Variants in SHANK2 observed in about 807,000 individuals in gnomAD.
The protein encoded by SHANK2 is SH3 and multiple ankyrin repeat domains protein 2.
In SHANK2, 43 loss-of-function variants were observed where a neutral mutation model predicts 133.7. The observed-to-expected ratio is 0.32, with a 90% CI of 0.25 to 0.41. SHANK2 has a LOEUF of 0.41. Among genes scored for constraint, SHANK2 ranks in the 10% least tolerant of loss-of-function variants. SHANK2 has a pLI of 1.00. For synonymous variants in SHANK2, 1,017 were observed against 952.8 expected (o/e 1.07, Z -1.24); for missense variants, 1,994 against 2,235.8 (o/e 0.89, Z 2.18).
rs1243022896 is a variant in SHANK2, at chr11:71,113,428, A to G, written c.412-64T>C. 3.5e-6 allele frequency: 5 copies of G among 1,445,964 alleles called. No individual in the cohort carries two copies. The African/African-American group carries it at 7.1e-5, about 20-fold the overall frequency. The allele number at this position is 1,445,964 out of a possible 1,614,324, so 89.6% of individuals were successfully genotyped here. The stretch of plus-strand genomic sequence containing the variant: ...ATACTTCTCAGAGTTGTTCAGAGGG[A>G]AAACGGGCCTTTTCCTTGGCTATGT... On this transcript the variant is annotated intron_variant, in intron 4 of 25. Coordinates refer to ENST00000601538, the MANE Select transcript of SHANK2 (RefSeq NM_012309.5).
At chr11:70,788,928 G>A (rs1019077824) in intron 14 of SHANK2, among the ~76,000 whole-genome samples, 8 of 152,182 alleles carry the variant, frequency 5.3e-5, no homozygotes, top group African/African-American at 1.9e-4. Context: ...GGGTCCACAC[G>A]ATCTGAAGGA....
intron 11 of SHANK2, among the ~76,000 whole-genome samples, chr11:70,862,257 T>C (rs1417894913): frequency 5.3e-5 from 8 of 152,216 alleles, no homozygotes; most frequent in African/African-American, 1.4e-4. Context: ...CGATTAAGTG[T>C]CTCAGGGGGA....
intron 14 of SHANK2, among the ~76,000 whole-genome samples, chr11:70,788,653 G>T (rs1947721031): frequency 6.6e-6 from 1 of 152,154 alleles, no homozygotes; most frequent in African/African-American, 2.4e-5. Flanking sequence ...GATAACAGGG[G>T]ACTGCTGCAG....
At chr11:71,221,582 G>A (rs1468437799) in intron 2 of SHANK2, among the ~76,000 whole-genome samples, 1 of 152,130 alleles carries the variant, frequency 6.6e-6, no homozygotes, top group Non-Finnish European at 1.5e-5. Context: ...AACACCTCAG[G>A]AAAAACCACA....
intron 10 of SHANK2, among the ~76,000 whole-genome samples, chr11:70,937,344 GC>G (rs1296582566): frequency 4.0e-4 from 61 of 152,324 alleles, no homozygotes; most frequent in African/African-American, 1.4e-3. Context: ...CAAAACAAAA[GC>G]CCCAAATGCC....
At chr11:71,125,754 A>G (rs1300643335) in intron 3 of SHANK2, among the ~76,000 whole-genome samples, 1 of 152,240 alleles carries the variant, frequency 6.6e-6, no homozygotes, top group Non-Finnish European at 1.5e-5. Flanking sequence ...ACGGTCTTCT[A>G]TTGAAAGAAG....
intron 17 of SHANK2, among the ~76,000 whole-genome samples, chr11:70,614,317 G>T (rs549556): frequency 0.4 from 58,494 of 146,310 alleles, 12,076 homozygotes; most frequent in Middle Eastern, 0.5. Flanking sequence ...TGTGGGTTTT[G>T]TTTTTTTTTT....
At chr11:70,800,916 T>A (rs1948030692) in intron 13 of SHANK2, among the ~76,000 whole-genome samples, 1 of 152,210 alleles carries the variant, frequency 6.6e-6, no homozygotes, top group African/African-American at 2.4e-5. Flanking sequence ...TGCTGTTTTA[T>A]ATGGGCCTGG....
chr11:71,104,679 G>A (rs907098601), intron 6 of SHANK2, among the ~76,000 whole-genome samples: 2 of 151,920 alleles, frequency 1.3e-5, no homozygotes, highest in African/African-American at 2.4e-5. Flanking sequence ...CTTTTCCCCC[G>A]TCACCCTGGG....
chr11:71,194,580 C>T (rs1953860218), intron 2 of SHANK2, among the ~76,000 whole-genome samples: 1 of 152,140 alleles, frequency 6.6e-6, no homozygotes, highest in African/African-American at 2.4e-5. Flanking sequence ...TACCAGTGAC[C>T]AAGGAAGTGG....
chr11:70,688,417 A>T (rs1555020226), intron 15 of SHANK2, among the ~76,000 whole-genome samples: 1 of 152,170 alleles, frequency 6.6e-6, no homozygotes, highest in Non-Finnish European at 1.5e-5. Context: ...AATTTCGTGC[A>T]CCTAATTTCG....
At chr11:70,866,306 TG>T (rs1555069014) in intron 11 of SHANK2, among the ~76,000 whole-genome samples, 2 of 151,332 alleles carry the variant, frequency 1.3e-5, no homozygotes, top group African/African-American at 4.9e-5. Flanking sequence ...CGGCACCAAA[TG>T]GGGGGAACCA....
intron 9 of SHANK2, among the ~76,000 whole-genome samples, chr11:71,063,001 A>C (rs1388478442): frequency 6.9e-6 from 1 of 145,984 alleles, no homozygotes; most frequent in African/African-American, 2.7e-5. Flanking sequence ...TGTCTCAAAA[A>C]AAAAAAAAAA....
At chr11:71,065,352 G>T (rs1322571750) in intron 9 of SHANK2, among the ~76,000 whole-genome samples, 1 of 145,928 alleles carries the variant, frequency 6.9e-6, no homozygotes, top group Non-Finnish European at 1.5e-5. Flanking sequence ...GAAGTTGTGG[G>T]GGTGTGTGTG....
chr11:70,649,386 C>A (rs2061312875), intron 17 of SHANK2, among the ~76,000 whole-genome samples: 1 of 152,186 alleles, frequency 6.6e-6, no homozygotes, highest in African/African-American at 2.4e-5. Context: ...GGCTCCACAG[C>A]ATCAGCTCTA....
At position 71,092,496 on chromosome 11, in the gene SHANK2, A is replaced by G; in HGVS notation, c.838T>C (p.Cys280Arg). 6.4e-7 allele frequency: 1 copy of G among 1,551,782 alleles called. No individual in the cohort carries two copies. The highest frequency in any genetic ancestry group is 8.7e-7 in the Non-Finnish European group (1 of 1,147,014). Reference sequence around the variant, plus strand: ...TGTTCGTGCAGGAGAAGCTCGCAGCAGTAGGGATCACCTCCGACGATGGCT... The same window carrying G: ...TGTTCGTGCAGGAGAAGCTCGCAGCGGTAGGGATCACCTCCGACGATGGCT... ...HTAIVGGDPYCCELLLHEHAT... is the reference protein window; with the variant it reads ...HTAIVGGDPYRCELLLHEHAT... The change falls in exon 8 of 26, where the codon TGC becomes CGC. Residue 280 changes from cysteine (C) to arginine (R), a missense_variant. Cys to Arg is a radical substitution (Grantham distance 180). Transcript: ENST00000601538.
Position 70,738,437 on chromosome 11 carries a change from C to T in SHANK2, c.1778-39674G>A, listed in dbSNP as rs58496762. ...GTCACAAGTTGGACGCCCAAGGCTCCGAGCAGTACCGTGGCTGAGGCTGCA... is the reference window on the plus strand; with the variant it reads ...GTCACAAGTTGGACGCCCAAGGCTCTGAGCAGTACCGTGGCTGAGGCTGCA... On this transcript the variant is annotated intron_variant, in intron 14 of 25. Transcript: ENST00000601538. Among the ~76,000 whole-genome samples, 801 of 152,334 alleles carry T rather than the reference C, an allele frequency of 5.3e-3. 8 individuals carry two copies. Among genetic ancestry groups the T allele is most frequent in the African/African-American group, 0.018 (751 of 41,582 alleles).
chr11:70,679,149 G>A (rs1464538368), intron 15 of SHANK2, among the ~76,000 whole-genome samples: 4 of 152,334 alleles, frequency 2.6e-5, no homozygotes, highest in South Asian at 4.1e-4. Context: ...CTGGCAGGCC[G>A]GGTACGCACA....
At chr11:70,750,847 C>A (rs1555037326) in intron 14 of SHANK2, among the ~76,000 whole-genome samples, 1 of 152,156 alleles carries the variant, frequency 6.6e-6, no homozygotes, top group African/African-American at 2.4e-5. Context: ...ACGTTGGAAA[C>A]CATGCATAAA....
Sources: allele counts gnomAD v4.1 joint callset (sites outside exome capture counted in the v4.1 genomes callset), GRCh38; gene constraint gnomAD v4.1.1; transcripts MANE v1.5; gene names NCBI Gene and HGNC (gene_info 2026-07-23, HGNC 2026-07-21).